The following DENND4A variants were observed in gnomAD, a reference collection of about 807,000 sequenced individuals.
DENND4A encodes DENN domain containing 4A, also known as C-myc promoter-binding protein.
A neutral mutation model predicts 199.3 loss-of-function variants in DENND4A; 70 were observed. The observed-to-expected ratio is 0.35, with a 90% CI of 0.29 to 0.43. The LOEUF is 0.43. Among genes scored for constraint, DENND4A ranks in the 20% least tolerant of loss-of-function variants. The probability of loss-of-function intolerance (pLI) is 1.00; values close to 1 mark genes in which losing one functional copy is unlikely to be tolerated. For missense variants in DENND4A, 1,723 were observed against 2,255.8 expected (o/e 0.76, Z 4.78); for synonymous variants, 686 against 766.9 (o/e 0.89, Z 1.74).
At chr15:65,673,695 T>C (rs2076286620) in intron 24 of DENND4A, among the ~76,000 whole-genome samples, 1 of 150,526 alleles carries the variant, frequency 6.6e-6, no homozygotes, top group African/African-American at 2.4e-5. Context: ...AGAGACACCC[T>C]AGAGAGGCAG....
rs1050899277 is a variant in DENND4A, at chr15:65,752,174, T to C, written c.561+205A>G. On this transcript the variant is annotated intron_variant, in intron 4 of 32. Coordinates refer to ENST00000443035, the MANE Select transcript of DENND4A (RefSeq NM_001320835.1). ...TTTTTTAATTTAAAAAAAAGTACTT[T>C]GCATAGTTTCTTTTGAAAGTACAAC... 4.7e-5 allele frequency among the ~76,000 whole-genome samples: 7 copies of C among 149,706 alleles called. No homozygotes were observed. In the Admixed American group the frequency reaches 4.8e-4, roughly 10 times the overall value.
At position 65,696,463 on chromosome 15, in the gene DENND4A, A is replaced by G; in HGVS notation, c.2985T>C (p.Asp995=). The G allele has an allele frequency of 6.2e-7, 1 of 1,612,494 alleles. No homozygotes were observed. Among genetic ancestry groups the G allele is most frequent in the Non-Finnish European group, 8.5e-7 (1 of 1,178,924 alleles). The change falls in exon 22 of 33, where the codon GAT becomes GAC. Residue 995 remains aspartate, a synonymous_variant. Coordinates refer to ENST00000443035, the MANE Select transcript of DENND4A (RefSeq NM_001320835.1). ...TTTGATAACTGAGCTTAGGAAGGCA[A>G]TCAGCACTTCCTTTTGTACTCTCAC... ...SESESTKGSA[D]CLPKLSYQNS... is the part of the protein sequence containing the mutation.
chr15:65,701,479 A>C (rs947597878), intron 18 of DENND4A, among the ~76,000 whole-genome samples: 4 of 152,124 alleles, frequency 2.6e-5, no homozygotes, highest in African/African-American at 9.7e-5. Flanking sequence ...AGGTGGGAAG[A>C]TCAATTGAGC....
At chr15:65,674,472 TA>T (rs1472335839) in intron 24 of DENND4A, among the ~76,000 whole-genome samples, 4 of 152,178 alleles carry the variant, frequency 2.6e-5, no homozygotes, top group African/African-American at 9.7e-5. Context: ...TTGACATTCA[TA>T]AAAGTATAGC....
chr15:65,696,952 ATTG>A (rs1272299592), intron 21 of DENND4A: 2 of 310,366 alleles, frequency 6.4e-6, no homozygotes, highest in Non-Finnish European at 1.2e-5. Context: ...GCTTTAAAAT[ATTG>A]TTAAGTCTCA....
chr15:65,789,349 GC>G lies in DENND4A; in HGVS notation c.-102+2660del, dbSNP rs202173579. 3.7e-3 allele frequency among the ~76,000 whole-genome samples: 562 copies of G among 152,134 alleles called. 9 individuals carry two copies. The highest frequency in any genetic ancestry group is 0.023 in the Admixed American group (344 of 15,276). On this transcript the variant is annotated intron_variant, in intron 1 of 32. Transcript: ENST00000443035. ...TAACAGGCGTGAGCCACCTCATAGG[GC>G]CTAATCACTTCTTAAAAGTACATTT...
At chr15:65,682,819 T>C (rs1372439223) in intron 23 of DENND4A, among the ~76,000 whole-genome samples, 1 of 152,174 alleles carries the variant, frequency 6.6e-6, no homozygotes, top group Non-Finnish European at 1.5e-5. Flanking sequence ...AATTTCAATA[T>C]TGTTGTGTCT....
At chr15:65,668,773 A>G in intron 27 of DENND4A, among the ~76,000 whole-genome samples, 1 of 151,794 alleles carries the variant, frequency 6.6e-6, no homozygotes, top group Non-Finnish European at 1.5e-5. Context: ...GTGAGCCAAG[A>G]TTGCACCACT....
intron 5 of DENND4A, among the ~76,000 whole-genome samples, chr15:65,740,142 C>T (rs942488802): frequency 6.6e-6 from 1 of 152,032 alleles, no homozygotes; most frequent in Non-Finnish European, 1.5e-5. Context: ...GATCGTGCCA[C>T]TGCACTCCAG....
At chr15:65,697,728 T>G (rs1409345322) in intron 20 of DENND4A, among the ~76,000 whole-genome samples, 3 of 152,204 alleles carry the variant, frequency 2.0e-5, no homozygotes, top group East Asian at 1.9e-4. Flanking sequence ...GTTGAAAGTT[T>G]GAGTTTCAAC....
At chr15:65,663,208 T>A (rs1301475516) in intron 32 of DENND4A, among the ~76,000 whole-genome samples, 11 of 145,258 alleles carry the variant, frequency 7.6e-5, no homozygotes, top group South Asian at 6.4e-4. Flanking sequence ...ATTTTTTTTT[T>A]TTTATTTTTT....
At chr15:65,763,372 G>A (rs2076901622) in intron 1 of DENND4A, among the ~76,000 whole-genome samples, 1 of 152,130 alleles carries the variant, frequency 6.6e-6, no homozygotes, top group Non-Finnish European at 1.5e-5. Context: ...AGAGAAGGGG[G>A]TAAGGGCATA....
intron 1 of DENND4A, among the ~76,000 whole-genome samples, chr15:65,776,555 A>AAGG: frequency 6.6e-6 from 1 of 152,150 alleles, no homozygotes; most frequent in East Asian, 1.9e-4. Context: ...TAGAAAGTCT[A>AAGG]TTTACCTACA....
chr15:65,692,701 AG>A (rs1285160490), intron 22 of DENND4A, among the ~76,000 whole-genome samples: 2 of 152,198 alleles, frequency 1.3e-5, no homozygotes, highest in African/African-American at 4.8e-5. Flanking sequence ...TTGAGGACAT[AG>A]GAAATCAAGA....
At chr15:65,706,776 G>A (rs557685370) in intron 14 of DENND4A, among the ~76,000 whole-genome samples, 58 of 152,284 alleles carry the variant, frequency 3.8e-4, no homozygotes, top group African/African-American at 1.2e-3. Context: ...TTACAGGCGT[G>A]AGCCACAGCG....
At chr15:65,675,489 TTAGA>T (rs1359701880) in intron 24 of DENND4A, among the ~76,000 whole-genome samples, 2 of 151,234 alleles carry the variant, frequency 1.3e-5, no homozygotes, top group Admixed American at 6.6e-5. Flanking sequence ...AAAAACAAAC[TTAGA>T]TAAACTACTT....
chr15:65,756,207 G>A lies in DENND4A; in HGVS notation c.244C>T (p.Leu82Phe). 6.2e-7 allele frequency: 1 copy of A among 1,611,824 alleles called. No individual in the cohort carries two copies. Among genetic ancestry groups the A allele is most frequent in the Non-Finnish European group, 8.5e-7 (1 of 1,178,852 alleles). ...CAAAGGTAAATCTGTGGCCCCACAA[G>A]ACTTCCATTATTAAGATCAGCTGAC... The part of the protein sequence containing the change: ...GLSADLNNGS[L>F]VGPQIYLCYR... The change falls in exon 3 of 33, where the codon CTT (leucine) becomes TTT (phenylalanine). Residue 82 changes from leucine to phenylalanine, a missense_variant. Around this residue, in one of 6 missense-constraint regions of DENND4A, gnomAD observed 725 missense variants for 952.9 expected, o/e 0.76. Coordinates refer to ENST00000443035, the MANE Select transcript of DENND4A (RefSeq NM_001320835.1).
chr15:65,720,947 T>TATTATATATATATATATATATATATA (rs1555425654), intron 12 of DENND4A, among the ~76,000 whole-genome samples: 21 of 76,214 alleles, frequency 2.8e-4, no homozygotes, highest in Non-Finnish European at 5.0e-4. Context: ...GTTTCATTGA[T>TATTATATATATATATATATATATATA]TATATATATA....
chr15:65,789,506 G>C (rs2077658043), intron 1 of DENND4A, among the ~76,000 whole-genome samples: 1 of 130,472 alleles, frequency 7.7e-6, no homozygotes, highest in Admixed American at 7.7e-5. Flanking sequence ...TAGGGTATTA[G>C]ATTAAAAAAA....
Sources: allele counts gnomAD v4.1 joint callset (sites outside exome capture counted in the v4.1 genomes callset), GRCh38; gene constraint gnomAD v4.1.1; regional missense constraint gnomAD v4.1.1; transcripts MANE v1.5; gene names NCBI Gene and HGNC (gene_info 2026-07-23, HGNC 2026-07-21).